CDH23: variants seen among roughly 807,000 people sequenced by gnomAD.
CDH23 encodes cadherin related 23.
CDH23 carries 189 observed loss-of-function variants against 317.1 expected under a neutral mutation model. That is an observed-to-expected ratio of 0.60 (90% CI 0.53 to 0.67). CDH23 has a LOEUF of 0.67. Ranked by LOEUF, CDH23 falls within the 30% of genes least tolerant of loss-of-function variation. The pLI, the probability that CDH23 is intolerant of heterozygous loss-of-function variation, is 0.00. For synonymous variants in CDH23, 1,839 were observed against 1,876.8 expected (o/e 0.98, Z 0.52); for missense variants, 4,401 against 4,592.4 (o/e 0.96, Z 1.20).
At chr10:71,536,665 G>A (rs1855720101) in intron 6 of CDH23, among the ~76,000 whole-genome samples, 1 of 152,144 alleles carries the variant, frequency 6.6e-6, no homozygotes, top group South Asian at 2.1e-4. Context: ...GAAATCCATT[G>A]CTGATATTCA....
Position 71,789,301 on chromosome 10 carries a change from C to A in CDH23, c.5923+259C>A, listed in dbSNP as rs151239524. ...CAGGGTGGTCTGAGAGCTGCCCCAC[C>A]ATCCCTCAAGAAGGGCATGTAAGGT... On this transcript the variant is annotated intron_variant, in intron 45 of 69. Transcript: ENST00000224721. Among the ~76,000 whole-genome samples, 81 of 152,318 alleles carry A rather than the reference C, an allele frequency of 5.3e-4. No homozygotes were observed. The East Asian group carries it at 0.014, about 26-fold the overall frequency.
At chr10:71,533,184 G>A (rs1038490455) in intron 6 of CDH23, among the ~76,000 whole-genome samples, 6 of 151,894 alleles carry the variant, frequency 4.0e-5, no homozygotes, top group East Asian at 1.9e-4. Flanking sequence ...TTGGAGAAGC[G>A]GCATGGTGAG....
In CDH23 at chr10:71,690,511, C is replaced by G. The variant is rs561466307; in HGVS notation, c.2103C>G (p.Ser701=). 1.2e-6 allele frequency: 2 copies of G among 1,611,594 alleles called. No homozygotes were observed. Among genetic ancestry groups the G allele is most frequent in the South Asian group, 2.2e-5 (2 of 90,242 alleles). The change falls in exon 20 of 70, where the codon TCC becomes TCG. Residue 701 remains serine, a synonymous_variant. Coordinates refer to ENST00000224721, the MANE Select transcript of CDH23 (RefSeq NM_022124.6). ...TGAATGCCACAGACCTGGACCGCTC[C>G]CGGGAGTACGGCCAGGAGTCCATCA... ...LFLNATDLDR[S]REYGQESIIY...
Position 71,809,996 on chromosome 10 carries a change from C to A in CDH23, c.8899C>A (p.Arg2967Ser), listed in dbSNP as rs373602652. The A allele has an allele frequency of 1.9e-6, 3 of 1,612,380 alleles. No homozygotes were observed. The highest frequency in any genetic ancestry group is 2.5e-6 in the Non-Finnish European group (3 of 1,179,888). ...VKIVINEIPD[R>S]VRGFEEEFIH... ...GATCGTCATTAACGAGATCCCCGAC[C>A]GTGTGCGCGGCTTCGAGGAGGAGTT... Residue 2967 changes from arginine to serine, a missense_variant, in exon 61 of 70, where the codon CGT (arginine) becomes AGT (serine). Coordinates refer to ENST00000224721, the MANE Select transcript of CDH23 (RefSeq NM_022124.6).
At chr10:71,458,538 G>A (rs1850811819) in intron 3 of CDH23, among the ~76,000 whole-genome samples, 2 of 152,218 alleles carry the variant, frequency 1.3e-5, no homozygotes, top group Admixed American at 1.3e-4. Flanking sequence ...TGAAATAGCT[G>A]TACAAATGGT....
chr10:71,769,044 G>A (rs1053616019), intron 38 of CDH23, among the ~76,000 whole-genome samples: 5 of 152,154 alleles, frequency 3.3e-5, no homozygotes, highest in Non-Finnish European at 5.9e-5. Flanking sequence ...TCTTGAAGAC[G>A]GACAAATGTC....
intron 1 of CDH23, among the ~76,000 whole-genome samples, chr10:71,420,036 G>A (rs1244217693): frequency 2.6e-5 from 4 of 152,124 alleles, no homozygotes; most frequent in Admixed American, 1.3e-4. Context: ...CTCAGGAAGG[G>A]TTTATTGAGC....
At position 71,397,281 on chromosome 10, in the gene CDH23, G is replaced by GCGAGA; in HGVS notation, c.-39_-38insACGAG. The GCGAGA allele has an allele frequency of 7.0e-6, 1 of 142,710 alleles. No individual in the cohort carries two copies. The allele number at this position is 142,710 out of a possible 1,614,324, so 8.8% of individuals were successfully genotyped here. ...GATCCGGCGGAGAGCAGAGCCCGAG[G>GCGAGA]CGAGGCGAGGCGCGGCGCCGCTGCA... On this transcript the variant is annotated 5_prime_UTR_variant, in exon 1 of 70. Transcript: ENST00000224721. This position sits in a 1 kb window ranked among gnomAD's most constrained non-coding sequence, Gnocchi z 4.8.
At chr10:71,451,980 A>G (rs1850468645) in intron 3 of CDH23, among the ~76,000 whole-genome samples, 1 of 152,154 alleles carries the variant, frequency 6.6e-6, no homozygotes, top group Admixed American at 6.5e-5. Context: ...GTTGGTGGCG[A>G]TGGGGATGGC....
intron 9 of CDH23, among the ~76,000 whole-genome samples, chr10:71,588,511 T>G (rs541333192): frequency 6.6e-6 from 1 of 152,236 alleles, no homozygotes; most frequent in Admixed American, 6.5e-5. Flanking sequence ...TATTATTTAT[T>G]ATTATTATTA....
intron 25 of CDH23, among the ~76,000 whole-genome samples, chr10:71,705,866 G>T (rs1454856112): frequency 2.0e-5 from 3 of 152,168 alleles, no homozygotes; most frequent in Non-Finnish European, 4.4e-5. Flanking sequence ...GGCCTCCATG[G>T]GATGGTAGGG....
At chr10:71,579,651 G>A (rs896208835) in intron 9 of CDH23, among the ~76,000 whole-genome samples, 3 of 152,154 alleles carry the variant, frequency 2.0e-5, no homozygotes, top group Non-Finnish European at 2.9e-5. Context: ...GTCTTCAGAC[G>A]GGGATGTGAG....
At chr10:71,644,860 C>T (rs538763950) in intron 12 of CDH23, among the ~76,000 whole-genome samples, 1 of 152,378 alleles carries the variant, frequency 6.6e-6, no homozygotes, top group Admixed American at 6.5e-5. Context: ...GGCTCTTACA[C>T]ATCACAGGCC....
At chr10:71,462,710 C>G (rs1025023433) in intron 3 of CDH23, among the ~76,000 whole-genome samples, 1 of 152,250 alleles carries the variant, frequency 6.6e-6, no homozygotes, top group Non-Finnish European at 1.5e-5. Flanking sequence ...GTGGCCAGCA[C>G]AGGGCCTGGC....
Position 71,757,055 on chromosome 10 carries a change from C to T in CDH23, c.4845+15134C>T, listed in dbSNP as rs556243530. The stretch of plus-strand genomic sequence containing the variant: ...AGATCTTAGCAAGGCTGCATTTTGA[C>T]GTGGAATATTGAAAGTAAAGACATT... On this transcript the variant is annotated intron_variant, in intron 38 of 69. Transcript: ENST00000224721. Among the ~76,000 whole-genome samples the T allele has an allele frequency of 2.0e-4, 30 of 152,366 alleles. No homozygotes were observed. The East Asian group carries it at 5.4e-3, about 27-fold the overall frequency.
At chr10:71,526,671 C>G (rs16928995) in intron 6 of CDH23, among the ~76,000 whole-genome samples, 67,829 of 152,056 alleles carry the variant, frequency 0.45, 16,330 homozygotes, top group African/African-American at 0.63. Context: ...AACCTCTAAA[C>G]CCCAGGGGTA....
At chr10:71,507,046 C>G (rs1402898415) in intron 3 of CDH23, among the ~76,000 whole-genome samples, 2 of 152,200 alleles carry the variant, frequency 1.3e-5, no homozygotes, top group Non-Finnish European at 2.9e-5. Flanking sequence ...GTTGTGCAAC[C>G]TTGGCTGGAA....
intron 34 of CDH23, among the ~76,000 whole-genome samples, chr10:71,735,023 C>T (rs1839518467): frequency 6.6e-6 from 1 of 152,222 alleles, no homozygotes. Flanking sequence ...GGGTCTAAAA[C>T]GAGGGTCATG....
chr10:71,427,924 G>A (rs895100614), intron 1 of CDH23, among the ~76,000 whole-genome samples: 2 of 151,860 alleles, frequency 1.3e-5, no homozygotes, highest in Non-Finnish European at 2.9e-5. Context: ...TGTTGGCCAG[G>A]CTGGTCTCAA....
Sources: gnomAD v4.1 joint callset for allele counts (sites outside exome capture counted in the v4.1 genomes callset) on GRCh38, gnomAD v4.1.1 for gene constraint, Gnocchi (gnomAD v3.1) non-coding constraint, MANE v1.5 for transcripts, NCBI Gene and HGNC (gene_info 2026-07-23, HGNC 2026-07-21) for gene names.